DYNC1LI2: variants seen among roughly 807,000 people sequenced by gnomAD.
DYNC1LI2 encodes dynein cytoplasmic 1 light intermediate chain 2, also known as cytoplasmic dynein 1 light intermediate chain 2.
A neutral mutation model predicts 57.8 loss-of-function variants in DYNC1LI2; 19 were observed. The ratio of observed to expected loss-of-function variants is 0.33; its 90% CI spans 0.23 to 0.48. The LOEUF (loss-of-function observed/expected upper bound fraction) is 0.48, where lower values mean the gene tolerates loss of function less well. Among genes scored for constraint, DYNC1LI2 ranks in the 20% least tolerant of loss-of-function variants. DYNC1LI2 has a pLI of 0.99. For synonymous variants in DYNC1LI2, 256 were observed against 233.4 expected (o/e 1.10, Z -0.88); for missense variants, 470 against 604.2 (o/e 0.78, Z 2.33).
Position 66,722,832 on chromosome 16 carries a change from T to C in DYNC1LI2, c.*890A>G, listed in dbSNP as rs1263706855. 1.9e-5 allele frequency: 3 copies of C among 154,008 alleles called. No homozygotes were observed. Among genetic ancestry groups the C allele is most frequent in the Non-Finnish European group, 2.9e-5 (2 of 68,994 alleles). The allele number at this position is 154,008 out of a possible 1,614,324, so 9.5% of individuals were successfully genotyped here. A position where few individuals can be genotyped will look rare whatever the true frequency, so the allele number is the denominator to read the frequency against. Reference sequence around the variant, plus strand: ...TTGTATTAGTTAGGCCAGCCTGTGATAGTAAAAACAAAAAATTTAATTTAA... The same window carrying C: ...TTGTATTAGTTAGGCCAGCCTGTGACAGTAAAAACAAAAAATTTAATTTAA... On this transcript the variant is annotated 3_prime_UTR_variant, in exon 13 of 13. Transcript: ENST00000258198.
rs2018053329 is a variant in DYNC1LI2 at position 66,751,480 on chromosome 16, C to T, written c.107+5G>A. ...ACGGCCCGGCCCGACCGCCCGCGGC[C>T]TCACCATAGGCTCTGGCCTTCCTCC... On this transcript the variant is annotated splice_donor_5th_base_variant and intron_variant, in intron 1 of 12. Coordinates refer to ENST00000258198, the MANE Select transcript of DYNC1LI2 (RefSeq NM_006141.3). The surrounding 1 kb of genome is among the most constrained non-coding windows in gnomAD (Gnocchi z 5.2). 11 of 1,587,758 alleles carry T rather than the reference C, an allele frequency of 6.9e-6. No homozygotes were observed. Among genetic ancestry groups the T allele is most frequent in the Non-Finnish European group, 6.8e-6 (8 of 1,170,496 alleles).
chr16:66,741,093 C>A (rs2017828937), intron 4 of DYNC1LI2, among the ~76,000 whole-genome samples: 1 of 149,940 alleles, frequency 6.7e-6, no homozygotes, highest in Non-Finnish European at 1.5e-5. Flanking sequence ...AGGGCAGACA[C>A]TTTCCCTATC....
chr16:66,734,857 C>A (rs2017702529), intron 5 of DYNC1LI2, among the ~76,000 whole-genome samples: 1 of 151,308 alleles, frequency 6.6e-6, no homozygotes, highest in African/African-American at 2.4e-5. Context: ...ATTAGCCAGG[C>A]ATGGTGGCGG....
chr16:66,742,752 T>C (rs1489804295), intron 3 of DYNC1LI2, 84 bp from the exon 4 acceptor site: 1 of 1,447,998 alleles, frequency 6.9e-7, no homozygotes, highest in Non-Finnish European at 9.5e-7. Context: ...CAGGAAGATC[T>C]TGAAGGTGAC....
chr16:66,722,820 G>A lies in DYNC1LI2; in HGVS notation c.*902C>T, dbSNP rs748896149. The A allele has an allele frequency of 2.5e-4, 39 of 153,824 alleles. No homozygotes were observed. Among genetic ancestry groups the A allele is most frequent in the Non-Finnish European group, 4.9e-4 (34 of 68,806 alleles). 9.5% of individuals were successfully genotyped at this position (153,824 alleles called of 1,614,324 possible). ...TCATCACCTATTTTGTATTAGTTAGGCCAGCCTGTGATAGTAAAAACAAAA... is the reference window on the plus strand; with the variant it reads ...TCATCACCTATTTTGTATTAGTTAGACCAGCCTGTGATAGTAAAAACAAAA... On this transcript the variant is annotated 3_prime_UTR_variant, in exon 13 of 13. Transcript: ENST00000258198.
In DYNC1LI2 at chr16:66,725,856, A is replaced by G. The variant is rs1170118886; in HGVS notation, c.1350T>C (p.Gly450=). The change falls in exon 12 of 13, where the codon GGT becomes GGC. Residue 450 remains glycine (G), a synonymous_variant. Transcript: ENST00000258198. ...KTGSPGSPGA[G]GVQSTAKKSG... ...ACTTCTTGGCTGTGCTCTGCACCCC[A>G]CCAGCACCAGGACTTCCAGGAGAGC... 1 of 1,614,118 alleles carries G rather than the reference A, an allele frequency of 6.2e-7. No individual in the cohort carries two copies. The highest frequency in any genetic ancestry group is 8.5e-7 in the Non-Finnish European group (1 of 1,180,006).
In DYNC1LI2 at chr16:66,736,087, C is replaced by A. The variant is rs1160958028; in HGVS notation, c.687G>T (p.Val229=). The A allele has an allele frequency of 1.2e-6, 2 of 1,614,068 alleles. No homozygotes were observed. Among genetic ancestry groups the A allele is most frequent in the East Asian group, 2.2e-5 (1 of 44,880 alleles). ...CCCTGGCACACACCTTTGTGCACAC[C>A]ACCAACACCGGGATCCCCAGGTTAT... ...LTHNLGIPVL[V]VCTKCDAVSV... is the part of the protein sequence containing the mutation. The change falls in exon 5 of 13, where the codon GTG becomes GTT. Residue 229 remains valine, a synonymous_variant. Transcript: ENST00000258198.
Position 66,751,199 on chromosome 16 carries a change from CG to C in DYNC1LI2, c.181+73del. 1 of 1,508,896 alleles carries C rather than the reference CG, an allele frequency of 6.6e-7. No homozygotes were observed. Among genetic ancestry groups the C allele is most frequent in the East Asian group, 2.4e-5 (1 of 41,812 alleles). The allele number at this position is 1,508,896 out of a possible 1,614,324, so 93.5% of individuals were successfully genotyped here. On this transcript the variant is annotated intron_variant, in intron 2 of 12. Transcript: ENST00000258198. The surrounding 1 kb of genome is among the most constrained non-coding windows in gnomAD (Gnocchi z 5.2). The stretch of plus-strand genomic sequence containing the variant: ...GGGCAGGCGGCTGGAACGGGGAAGG[CG>C]GGGACCTGAGGGAGGGGCGCCCGCC...
At chr16:66,725,178 C>CAAA (rs34062942) in intron 12 of DYNC1LI2, among the ~76,000 whole-genome samples, 2 of 123,200 alleles carry the variant, frequency 1.6e-5, no homozygotes, top group African/African-American at 3.1e-5. Context: ...CCATCTCTAT[C>CAAA]AAAAAAAAAA....
chr16:66,739,719 C>A (rs369313863), intron 4 of DYNC1LI2, among the ~76,000 whole-genome samples: 2 of 152,162 alleles, frequency 1.3e-5, no homozygotes, highest in African/African-American at 4.8e-5. Flanking sequence ...TGAGCCACTG[C>A]GCCTGGCCAA....
intron 4 of DYNC1LI2, among the ~76,000 whole-genome samples, chr16:66,739,611 G>A (rs369725248): frequency 6.6e-6 from 1 of 151,912 alleles, no homozygotes. Context: ...AATTTTTTTA[G>A]AGACAGGGTT....
chr16:66,732,993 C>T (rs2017666343), intron 6 of DYNC1LI2: 1 of 152,254 alleles, frequency 6.6e-6, no homozygotes, highest in African/African-American at 2.4e-5. Flanking sequence ...TCACCTCCAC[C>T]CCAGGGTGTG....
chr16:66,729,679 C>A (rs192919550), intron 8 of DYNC1LI2, among the ~76,000 whole-genome samples: 24 of 149,200 alleles, frequency 1.6e-4, no homozygotes, highest in African/African-American at 5.9e-4. Flanking sequence ...CAGGTTCAAG[C>A]AATTCTCCTG....
In DYNC1LI2 at chr16:66,737,242, C is replaced by A. The variant is rs533581755; in HGVS notation, c.530-998G>T. 2.0e-5 allele frequency among the ~76,000 whole-genome samples: 3 copies of A among 152,180 alleles called. No homozygotes were observed. The South Asian group carries it at 6.2e-4, about 32-fold the overall frequency. ...AGTGAGCTAAGATTGCGTCACTGTA[C>A]TCCAGTCTGGGCAACAGAGTGAGAC... On this transcript the variant is annotated intron_variant, in intron 4 of 12. Transcript: ENST00000258198.
Position 66,751,575 on chromosome 16 carries a change from A to G in DYNC1LI2, c.17T>C (p.Val6Ala). The G allele has an allele frequency of 1.9e-6, 3 of 1,570,748 alleles. No homozygotes were observed. Among genetic ancestry groups the G allele is most frequent in the Non-Finnish European group, 2.6e-6 (3 of 1,162,370 alleles). Residue 6 changes from valine (V) to alanine (A), a missense_variant, in exon 1 of 13, where the codon GTG becomes GCG. By Grantham distance (64) the Val-to-Ala change is moderately conservative. Coordinates refer to ENST00000258198, the MANE Select transcript of DYNC1LI2 (RefSeq NM_006141.3). The surrounding 1 kb of genome is among the most constrained non-coding windows in gnomAD (Gnocchi z 5.2). MAPVG[V>A]EKKLLLGPNG... ...GGGACCTAGCAGCAGCTTCTTCTCCACCCCCACCGGCGCCATCTTGCCAAC... is the reference window on the plus strand; with the variant it reads ...GGGACCTAGCAGCAGCTTCTTCTCCGCCCCCACCGGCGCCATCTTGCCAAC...
At chr16:66,746,648 AC>A (rs1490561382) in intron 3 of DYNC1LI2, among the ~76,000 whole-genome samples, 4 of 152,272 alleles carry the variant, frequency 2.6e-5, no homozygotes, top group African/African-American at 9.6e-5. Flanking sequence ...GTATCTTGAA[AC>A]AGAAGAGGCT....
chr16:66,737,528 G>A (rs979505606), intron 4 of DYNC1LI2, among the ~76,000 whole-genome samples: 2 of 144,830 alleles, frequency 1.4e-5, no homozygotes, highest in African/African-American at 5.2e-5. Context: ...TGAAACAATT[G>A]AATTTTATAA....
At chr16:66,744,637 C>T in intron 3 of DYNC1LI2, among the ~76,000 whole-genome samples, 1 of 151,992 alleles carries the variant, frequency 6.6e-6, no homozygotes. Flanking sequence ...ACCGCCGCCA[C>T]CCCTCCCTGC....
intron 6 of DYNC1LI2, among the ~76,000 whole-genome samples, chr16:66,733,756 G>C (rs12919973): frequency 0.3 from 45,600 of 152,026 alleles, 8,087 homozygotes; most frequent in East Asian, 0.6. Flanking sequence ...TGTTGTCCCA[G>C]GTACTCAGGA....
Sources: gnomAD v4.1 joint callset for allele counts (sites outside exome capture counted in the v4.1 genomes callset) on GRCh38, gnomAD v4.1.1 for gene constraint, Gnocchi (gnomAD v3.1) non-coding constraint, MANE v1.5 for transcripts, NCBI Gene and HGNC (gene_info 2026-07-23, HGNC 2026-07-21) for gene names.